GGNBP2: variants seen among roughly 807,000 people sequenced by gnomAD.
The protein encoded by GGNBP2 is gametogenetin-binding protein 2.
In GGNBP2, 10 loss-of-function variants were observed where a neutral mutation model predicts 85.9. The observed-to-expected ratio is 0.12, with a 90% CI of 0.07 to 0.20. GGNBP2 has a LOEUF of 0.20. GGNBP2 is among the 10% of genes least tolerant of loss of function. The probability of loss-of-function intolerance (pLI) is 1.00; values close to 1 mark genes in which losing one functional copy is unlikely to be tolerated. For synonymous variants in GGNBP2, 287 were observed against 285.7 expected (o/e 1.00, Z -0.05); for missense variants, 595 against 857.8 (o/e 0.69, Z 3.83).
intron 6 of GGNBP2, chr17:36,576,584 A>AATATATATAT (rs1567494450): frequency 1.3e-4 from 6 of 47,146 alleles, no homozygotes; most frequent in East Asian, 1.3e-3. Flanking sequence ...AAAAAAAAAA[A>AATATATATAT]ATATATATAT....
At chr17:36,546,101 C>T in intron 2 of GGNBP2, 1 of 440,088 alleles carries the variant, frequency 2.3e-6, no homozygotes, top group Non-Finnish European at 4.0e-6. Flanking sequence ...CTGCTTTTGT[C>T]AAAGCACACA....
In GGNBP2 at chr17:36,587,001, A is replaced by G; in HGVS notation, c.1646A>G (p.Gln549Arg). 6.2e-7 allele frequency: 1 copy of G among 1,612,992 alleles called. No individual in the cohort carries two copies. Among genetic ancestry groups the G allele is most frequent in the Non-Finnish European group, 8.5e-7 (1 of 1,179,564 alleles). The change falls in exon 13 of 14, where the codon CAG (glutamine) becomes CGG (arginine). Residue 549 changes from glutamine to arginine, a missense_variant. Gln to Arg is a conservative substitution (Grantham distance 43). This residue lies in a region of GGNBP2 where 120 missense variants were observed against 126.3 expected (regional missense o/e 0.95). Transcript: ENST00000613102. ...AATCCTTTGCTGTGGTATCAGATCCAGAAGCTTGGAAGCTGTATTACAGAT... is the reference window on the plus strand; with the variant it reads ...AATCCTTTGCTGTGGTATCAGATCCGGAAGCTTGGAAGCTGTATTACAGAT... ...SKILKCDEHI[Q>R]KLGSCITDPG...
chr17:36,546,089 C>T (rs781689044), intron 2 of GGNBP2: 16 of 439,732 alleles, frequency 3.6e-5, no homozygotes, highest in Non-Finnish European at 6.1e-5. Flanking sequence ...CTTTAGGAGA[C>T]GCTGCTTTTG....
At chr17:36,588,445 TG>T (rs2074724737) in intron 13 of GGNBP2, among the ~76,000 whole-genome samples, 2 of 151,984 alleles carry the variant, frequency 1.3e-5, no homozygotes, top group African/African-American at 4.8e-5. Context: ...TTAGTAGAGA[TG>T]GGTTTCTCCA....
At chr17:36,551,883 C>G (rs2074312233) in intron 2 of GGNBP2, among the ~76,000 whole-genome samples, 1 of 152,056 alleles carries the variant, frequency 6.6e-6, no homozygotes, top group African/African-American at 2.4e-5. Flanking sequence ...TAGATGTGTT[C>G]TTTGATCTCC....
In GGNBP2 at chr17:36,586,215, G is replaced by A. The variant is rs750154651; in HGVS notation, c.1641+17G>A. On this transcript the variant is annotated intron_variant, in intron 12 of 13. Coordinates refer to ENST00000613102, the MANE Select transcript of GGNBP2 (RefSeq NM_024835.5). ...GATGAACATGTAAGTGTCATAACTT[G>A]TAATTCTTAAACCTTTGCTGTTGAG... is the stretch of plus-strand genomic sequence containing the variant. 1 of 1,606,552 alleles carries A rather than the reference G, an allele frequency of 6.2e-7. No individual in the cohort carries two copies. The highest frequency in any genetic ancestry group is 1.3e-5 in the African/African-American group (1 of 74,628).
intron 10 of GGNBP2, 117 bp from the exon 11 acceptor site, chr17:36,585,723 T>C (rs1296422328): frequency 4.7e-6 from 4 of 859,476 alleles, no homozygotes; most frequent in Admixed American, 5.9e-5. Context: ...TTGGAAATGT[T>C]CTACTTTTAA....
In GGNBP2 at chr17:36,545,822, G is replaced by GCGGGC. The variant is rs772742553; in HGVS notation, c.93+16_93+20dup. The GCGGGC allele has an allele frequency of 2.2e-4, 347 of 1,545,544 alleles. No individual in the cohort carries two copies. The highest frequency in any genetic ancestry group is 1.5e-3 in the African/African-American group (106 of 73,062). ...TACATAGACGACACCCTGACGGTGA[G>GCGGGC]CGGGCCGGGCCGGGCTGGGCCCGCC... On this transcript the variant is annotated splice_donor_region_variant and intron_variant, in intron 2 of 13. Coordinates refer to ENST00000613102, the MANE Select transcript of GGNBP2 (RefSeq NM_024835.5).
chr17:36,561,896 T>C (rs1320633692), intron 5 of GGNBP2, among the ~76,000 whole-genome samples: 1 of 152,230 alleles, frequency 6.6e-6, no homozygotes, highest in African/African-American at 2.4e-5. Flanking sequence ...GTGCTGAGAT[T>C]ACAGGCGTGA....
chr17:36,563,859 T>C (rs2074443990), intron 5 of GGNBP2, among the ~76,000 whole-genome samples: 1 of 151,824 alleles, frequency 6.6e-6, no homozygotes. Context: ...TTCTCCTGCC[T>C]CAGCCTCCCA....
chr17:36,584,090 A>G (rs2074677171), intron 9 of GGNBP2, among the ~76,000 whole-genome samples: 1 of 152,134 alleles, frequency 6.6e-6, no homozygotes, highest in South Asian at 2.1e-4. Flanking sequence ...TTGTTGTTTC[A>G]ATGTTTGAGT....
chr17:36,589,607 G>C lies in GGNBP2; in HGVS notation c.*196G>C. ...CTTGTGTCTTTAGTTGCGTGGCTGC[G>C]CAGGCCTGCCATATGATTTAAGCCA... On this transcript the variant is annotated 3_prime_UTR_variant, in exon 14 of 14. Transcript: ENST00000613102. The C allele has an allele frequency of 5.1e-6, 3 of 587,520 alleles. No individual in the cohort carries two copies. Among genetic ancestry groups the C allele is most frequent in the Non-Finnish European group, 9.0e-6 (3 of 332,636 alleles). The allele number at this position is 587,520 out of a possible 1,614,324, so 36.4% of individuals were successfully genotyped here.
chr17:36,554,515 G>A (rs1011960530), intron 2 of GGNBP2, among the ~76,000 whole-genome samples: 2 of 151,576 alleles, frequency 1.3e-5, no homozygotes, highest in Non-Finnish European at 2.9e-5. Context: ...TTACAGGCAT[G>A]CGCCACCAAA....
chr17:36,575,267 C>T, intron 6 of GGNBP2: 2 of 586,460 alleles, frequency 3.4e-6, no homozygotes, highest in South Asian at 1.7e-5. Context: ...ACGGAAGCCA[C>T]TGCATTTCCC....
At chr17:36,553,021 CAAAAAA>C (rs56946600) in intron 2 of GGNBP2, among the ~76,000 whole-genome samples, 3 of 76,232 alleles carry the variant, frequency 3.9e-5, no homozygotes, top group African/African-American at 5.8e-5. Context: ...GACTCTGTCT[CAAAAAA>C]AAAAAAAAAA....
intron 9 of GGNBP2, chr17:36,582,338 A>G (rs1219779391): frequency 6.6e-6 from 1 of 152,252 alleles, no homozygotes; most frequent in Non-Finnish European, 1.5e-5. Context: ...GTGAGCCAAG[A>G]TCGCTCCACT....
chr17:36,588,105 A>G (rs2074720748), intron 13 of GGNBP2, among the ~76,000 whole-genome samples: 1 of 152,204 alleles, frequency 6.6e-6, no homozygotes, highest in African/African-American at 2.4e-5. Flanking sequence ...TTTAGGTGTC[A>G]TGTAGGGTAA....
intron 4 of GGNBP2, 124 bp from the exon 5 acceptor site, chr17:36,560,649 G>A (rs763891441): frequency 8.6e-6 from 5 of 583,492 alleles, no homozygotes; most frequent in Non-Finnish European, 1.5e-5. Context: ...GATACAGTGG[G>A]GATAGAGAAA....
At chr17:36,573,843 T>C (rs2142754645) in intron 6 of GGNBP2, among the ~76,000 whole-genome samples, 1 of 152,296 alleles carries the variant, frequency 6.6e-6, no homozygotes, top group Non-Finnish European at 1.5e-5. Flanking sequence ...GAAATGTCGA[T>C]TCATGCTTTG....
Sources: allele counts gnomAD v4.1 joint callset (sites outside exome capture counted in the v4.1 genomes callset), GRCh38; gene constraint gnomAD v4.1.1; regional missense constraint gnomAD v4.1.1; transcripts MANE v1.5; gene names NCBI Gene and HGNC (gene_info 2026-07-23, HGNC 2026-07-21).